The following SPOP variants were observed in gnomAD, a reference collection of about 807,000 sequenced individuals.
The protein encoded by SPOP is speckle type BTB/POZ protein.
Under a neutral mutation model 45.6 loss-of-function variants are expected in SPOP, and 11 were observed. The ratio of observed to expected loss-of-function variants is 0.24; its 90% CI spans 0.15 to 0.40. The LOEUF is 0.40. SPOP is among the 10% of genes least tolerant of loss of function. The pLI, the probability that SPOP is intolerant of heterozygous loss-of-function variation, is 1.00. For missense variants in SPOP, 152 were observed against 465.6 expected (o/e 0.33, Z 6.20); for synonymous variants, 166 against 166.3 (o/e 1.00, Z 0.01).
chr17:49,622,307 T>C (rs2143297713), intron 2 of SPOP: 2 of 609,658 alleles, frequency 3.3e-6, no homozygotes, highest in East Asian at 3.5e-5. Context: ...GAGAGAAACA[T>C]ACAGGAAAAA....
chr17:49,631,223 A>C (rs918223232), intron 1 of SPOP, among the ~76,000 whole-genome samples: 14 of 152,252 alleles, frequency 9.2e-5, no homozygotes, highest in African/African-American at 3.4e-4. Flanking sequence ...GAAATAACCT[A>C]AAAGTTCATC....
chr17:49,670,415 T>C (rs2073121986), intron 1 of SPOP, among the ~76,000 whole-genome samples: 1 of 152,192 alleles, frequency 6.6e-6, no homozygotes, highest in Admixed American at 6.5e-5. Context: ...AGTATTGTTA[T>C]GAAACCAGGT....
intron 7 of SPOP, 150 bp from the exon 8 acceptor site, chr17:49,607,522 T>C (rs1016390557): frequency 2.3e-5 from 24 of 1,021,652 alleles, no homozygotes; most frequent in Admixed American, 1.2e-4. Context: ...CCGGCTTGAT[T>C]ATAATAGCCT....
intron 1 of SPOP, among the ~76,000 whole-genome samples, chr17:49,674,379 C>T (rs1015374652): frequency 6.6e-6 from 1 of 152,108 alleles, no homozygotes; most frequent in Non-Finnish European, 1.5e-5. Flanking sequence ...GCTTCAATCT[C>T]GTTACTCACT....
chr17:49,672,456 T>C (rs952083746), intron 1 of SPOP, among the ~76,000 whole-genome samples: 7 of 152,212 alleles, frequency 4.6e-5, no homozygotes, highest in South Asian at 4.1e-4. Flanking sequence ...AGTGGGACAT[T>C]ATGACATTGT....
Position 49,669,763 on chromosome 17 carries a change from C to CAAA in SPOP, c.-67+8167_-67+8169dup, listed in dbSNP as rs3034924. ...CTGATGACAGAGCAAGACTCTGCCT[C>CAAA]AAAAAAAAAAAAAAAAAAAAATTAA... On this transcript the variant is annotated intron_variant, in intron 1 of 9. Coordinates refer to ENST00000504102, the MANE Select transcript of SPOP (RefSeq NM_001007228.2). Among the ~76,000 whole-genome samples, 616 of 103,064 alleles carry CAAA rather than the reference C, an allele frequency of 6.0e-3. 13 individuals are homozygous for CAAA. Among genetic ancestry groups the CAAA allele is most frequent in the African/African-American group, 0.02 (499 of 25,306 alleles). The allele number at this position is 103,064 out of a possible 152,430, so 67.6% of individuals were successfully genotyped here. A position where few individuals can be genotyped will look rare whatever the true frequency, so the allele number is the denominator to read the frequency against.
chr17:49,657,643 C>T (rs540871995), intron 1 of SPOP, among the ~76,000 whole-genome samples: 6 of 150,726 alleles, frequency 4.0e-5, no homozygotes, highest in East Asian at 3.9e-4. Context: ...ATGATCCACT[C>T]GCCTCGGCCT....
rs898358701 is a variant in SPOP, at chr17:49,622,865, T to C, written c.-55A>G. 1.4e-6 allele frequency: 2 copies of C among 1,406,640 alleles called. No homozygotes were observed. The highest frequency in any genetic ancestry group is 2.8e-5 in the African/African-American group (2 of 70,926). The allele number at this position is 1,406,640 out of a possible 1,614,324, so 87.1% of individuals were successfully genotyped here. On this transcript the variant is annotated 5_prime_UTR_variant, in exon 2 of 10. Transcript: ENST00000504102. The stretch of plus-strand genomic sequence containing the variant: ...AAAGTCAGGGGGCAAAGATTTCTGT[T>C]CCCTCTTCACCCTGGTCAGATCCAA...
At chr17:49,621,583 T>C (rs191049567) in intron 3 of SPOP, among the ~76,000 whole-genome samples, 60 of 152,382 alleles carry the variant, frequency 3.9e-4, no homozygotes, top group African/African-American at 1.3e-3. Context: ...TACTCATGCA[T>C]AGCTATAGTT....
intron 1 of SPOP, among the ~76,000 whole-genome samples, chr17:49,659,846 T>C (rs2072963628): frequency 6.6e-6 from 1 of 152,146 alleles, no homozygotes; most frequent in African/African-American, 2.4e-5. Flanking sequence ...ACTCCTCCCA[T>C]TCCTATCTCC....
chr17:49,607,648 A>T (rs73987359), intron 7 of SPOP, among the ~76,000 whole-genome samples: 1 of 152,114 alleles, frequency 6.6e-6, no homozygotes, highest in African/African-American at 2.4e-5. Context: ...ATGTCTAAAT[A>T]CCCTCACCCA....
At chr17:49,675,995 G>A (rs1326418617) in intron 1 of SPOP, 1 of 152,020 alleles carries the variant, frequency 6.6e-6, no homozygotes, top group Non-Finnish European at 1.5e-5. Context: ...ACTCCAGCCT[G>A]GGTGACAGAG....
intron 1 of SPOP, among the ~76,000 whole-genome samples, chr17:49,670,032 G>C (rs1435266429): frequency 6.6e-6 from 1 of 152,096 alleles, no homozygotes; most frequent in East Asian, 1.9e-4. Flanking sequence ...AAAATCAAAA[G>C]TCAAGAATAA....
rs755086131 is a variant in SPOP, at chr17:49,621,935, T to G, written c.200+11A>C. ...AGAAAAATTTTTACAGTTAGACGTA[T>G]TCTTCCTCACCATTTCAGTTTATCA... On this transcript the variant is annotated intron_variant, in intron 3 of 9. Coordinates refer to ENST00000504102, the MANE Select transcript of SPOP (RefSeq NM_001007228.2). 1 of 1,613,006 alleles carries G rather than the reference T, an allele frequency of 6.2e-7. No individual in the cohort carries two copies. The highest frequency in any genetic ancestry group is 1.1e-5 in the South Asian group (1 of 90,956).
intron 1 of SPOP, among the ~76,000 whole-genome samples, chr17:49,670,071 G>T (rs915547627): frequency 1.3e-5 from 2 of 152,180 alleles, no homozygotes; most frequent in African/African-American, 2.4e-5. Context: ...AGGTGTTGCT[G>T]TCTGAATGGT....
intron 5 of SPOP, among the ~76,000 whole-genome samples, chr17:49,616,651 C>T (rs924603637): frequency 2.0e-5 from 3 of 152,108 alleles, no homozygotes; most frequent in Non-Finnish European, 4.4e-5. Context: ...CCCACGCAAC[C>T]GTCTTGCAAC....
At chr17:49,642,504 A>G (rs2072676964) in intron 1 of SPOP, among the ~76,000 whole-genome samples, 1 of 152,170 alleles carries the variant, frequency 6.6e-6, no homozygotes, top group Non-Finnish European at 1.5e-5. Context: ...AAAAAGAGAA[A>G]GTTCTTTATA....
chr17:49,626,759 C>T (rs2072339158), intron 1 of SPOP, among the ~76,000 whole-genome samples: 1 of 151,876 alleles, frequency 6.6e-6, no homozygotes, highest in Admixed American at 6.6e-5. Flanking sequence ...AAATAATAAA[C>T]ACGGAGATTA....
At chr17:49,608,883 A>C (rs767150759) in intron 6 of SPOP, among the ~76,000 whole-genome samples, 3 of 152,006 alleles carry the variant, frequency 2.0e-5, no homozygotes, top group Non-Finnish European at 4.4e-5. Flanking sequence ...GTCAGAAAGC[A>C]CTAATTTTAG....
Sources: allele counts gnomAD v4.1 joint callset (sites outside exome capture counted in the v4.1 genomes callset), GRCh38; gene constraint gnomAD v4.1.1; transcripts MANE v1.5; gene names NCBI Gene and HGNC (gene_info 2026-07-23, HGNC 2026-07-21).